PLRG1: variants seen among roughly 807,000 people sequenced by gnomAD.
PLRG1 encodes pleiotropic regulator 1 (PRL1 homolog, Arabidopsis).
PLRG1 carries 28 observed loss-of-function variants against 74.9 expected under a neutral mutation model. That is an observed-to-expected ratio of 0.37 (90% CI 0.28 to 0.51). PLRG1 has a LOEUF of 0.51. Ranked by LOEUF, PLRG1 falls within the 20% of genes least tolerant of loss-of-function variation. The probability of loss-of-function intolerance (pLI) is 0.91; values close to 1 mark genes in which losing one functional copy is unlikely to be tolerated. For synonymous variants in PLRG1, 197 were observed against 212.4 expected (o/e 0.93, Z 0.63); for missense variants, 445 against 631.9 (o/e 0.70, Z 3.17).
chr4:154,544,796 C>T (rs907199321), intron 6 of PLRG1, among the ~76,000 whole-genome samples: 1 of 152,186 alleles, frequency 6.6e-6, no homozygotes, highest in Non-Finnish European at 1.5e-5. Flanking sequence ...AGCTGTTTGA[C>T]ATTAGGTAAC....
intron 1 of PLRG1, 91 bp from the exon 2 acceptor site, chr4:154,549,026 A>C (rs758350931): frequency 2.8e-5 from 22 of 781,382 alleles, no homozygotes; most frequent in Non-Finnish European, 4.6e-5. Flanking sequence ...ACGTGTTTAA[A>C]TATGTAAAAA....
Position 154,542,213 on chromosome 4 carries a change from T to C in PLRG1, c.661A>G (p.Thr221Ala). The C allele has an allele frequency of 1.9e-6, 3 of 1,607,898 alleles. No homozygotes were observed. Among genetic ancestry groups the C allele is most frequent in the Non-Finnish European group, 1.7e-6 (2 of 1,174,392 alleles). The change falls in exon 8 of 15, where the codon ACT (threonine) becomes GCT (alanine). Residue 221 changes from threonine to alanine, a missense_variant. Physicochemically the swap from Thr to Ala is moderately conservative, Grantham distance 58. This residue lies in a region of PLRG1 where 221 missense variants were observed against 377.7 expected (regional missense o/e 0.59). Transcript: ENST00000499023. ...AVEPGNQWFVTGSADRTIKIW... is the reference protein window; with the variant it reads ...AVEPGNQWFVAGSADRTIKIW... Reference sequence around the variant, plus strand: ...TTTATAGTTCTGTCAGCAGATCCAGTAACAAACCACTGATTTCCAGGTTCC... The same window carrying C: ...TTTATAGTTCTGTCAGCAGATCCAGCAACAAACCACTGATTTCCAGGTTCC...
At chr4:154,541,069 C>T (rs1422958084) in intron 8 of PLRG1, 135 bp from the exon 9 acceptor site, 2 of 556,296 alleles carry the variant, frequency 3.6e-6, no homozygotes, top group Non-Finnish European at 5.8e-6. Context: ...AAAAATTTTG[C>T]AAAATGACTC....
chr4:154,546,950 T>G, intron 4 of PLRG1, 61 bp downstream of exon 4: 2 of 1,193,076 alleles, frequency 1.7e-6, no homozygotes, highest in Non-Finnish European at 2.5e-6. Flanking sequence ...CATTATTGGC[T>G]CGTTAGTGAA....
intron 11 of PLRG1, 108 bp downstream of exon 11, chr4:154,539,843 C>T: frequency 5.6e-6 from 4 of 720,574 alleles, no homozygotes; most frequent in Non-Finnish European, 7.5e-6. Context: ...CACAGAAACA[C>T]TGTAAACACA....
intron 10 of PLRG1, 104 bp from the exon 11 acceptor site, chr4:154,540,157 C>A: frequency 2.9e-6 from 2 of 683,058 alleles, no homozygotes; most frequent in South Asian, 1.7e-5. Context: ...ATAACTAGTG[C>A]CTGAATATAA....
intron 1 of PLRG1, chr4:154,549,837 A>G (rs1426273712): frequency 2.2e-6 from 1 of 452,262 alleles, no homozygotes; most frequent in African/African-American, 2.0e-5. Flanking sequence ...GGACAAGACC[A>G]GCTAACAGCG....
intron 12 of PLRG1, 92 bp downstream of exon 12, chr4:154,539,013 G>A: frequency 2.6e-6 from 2 of 771,260 alleles, no homozygotes; most frequent in South Asian, 3.0e-5. Flanking sequence ...GCAGCTAAAT[G>A]ACTGCCAAAA....
intron 4 of PLRG1, chr4:154,546,649 C>G (rs1016898979): frequency 3.2e-6 from 1 of 313,964 alleles, no homozygotes; most frequent in African/African-American, 2.2e-5. Flanking sequence ...ATCTGTGGAC[C>G]AATGCCTTAA....
Position 154,550,294 on chromosome 4 carries a change from C to G in PLRG1, c.9+6G>C, listed in dbSNP as rs552720906. 8.1e-6 allele frequency: 13 copies of G among 1,613,618 alleles called. No individual in the cohort carries two copies. The South Asian group carries it at 1.3e-4, about 16-fold the overall frequency. ...ACGACTCTTGAGAGCCCCAGTGTCACTTTACCTCGACCATGATGCTACCGT... is the reference window on the plus strand; with the variant it reads ...ACGACTCTTGAGAGCCCCAGTGTCAGTTTACCTCGACCATGATGCTACCGT... On this transcript the variant is annotated splice_donor_region_variant and intron_variant, in intron 1 of 14. Transcript: ENST00000499023.
Position 154,536,759 on chromosome 4 carries a change from G to A in PLRG1, c.1486-15C>T. On this transcript the variant is annotated splice_polypyrimidine_tract_variant and intron_variant, in intron 14 of 14. Transcript: ENST00000499023. ...GTTTCTTCTGTCTAAAAATAGAAAA[G>A]TGAGTTAAAATAAAGTATTATTAGT... The A allele has an allele frequency of 7.1e-7, 1 of 1,409,794 alleles. No individual in the cohort carries two copies. Among genetic ancestry groups the A allele is most frequent in the Non-Finnish European group, 9.8e-7 (1 of 1,023,184 alleles). The allele number at this position is 1,409,794 out of a possible 1,614,324, so 87.3% of individuals were successfully genotyped here. A position where few individuals can be genotyped will look rare whatever the true frequency, so the allele number is the denominator to read the frequency against.
In PLRG1 at chr4:154,536,663, G is replaced by T; in HGVS notation, c.*22C>A. On this transcript the variant is annotated 3_prime_UTR_variant, in exon 15 of 15. Coordinates refer to ENST00000499023, the MANE Select transcript of PLRG1 (RefSeq NM_002669.4). Reference sequence around the variant, plus strand: ...TTTTAATTAAAAAGAAAAAAAAAGAGAGAGAAAAAATTCCACATTCATTAA... The same window carrying T: ...TTTTAATTAAAAAGAAAAAAAAAGATAGAGAAAAAATTCCACATTCATTAA... 7.9e-7 allele frequency: 1 copy of T among 1,271,792 alleles called. No individual in the cohort carries two copies. The highest frequency in any genetic ancestry group is 1.3e-5 in the South Asian group (1 of 76,306). 78.8% of individuals were successfully genotyped at this position (1,271,792 alleles called of 1,614,324 possible).
At chr4:154,544,024 G>A (rs1729603316) in intron 7 of PLRG1, 1 of 164,088 alleles carries the variant, frequency 6.1e-6, no homozygotes, top group African/African-American at 2.4e-5. Context: ...TGTATGTGCT[G>A]CTGAAGTTAG....
At chr4:154,538,907 G>A (rs895887126) in intron 12 of PLRG1, 198 bp downstream of exon 12, 1 of 503,796 alleles carries the variant, frequency 2.0e-6, no homozygotes. Flanking sequence ...TCAAGTAGAA[G>A]GCTTTCCTCA....
At chr4:154,539,021 A>G in intron 12 of PLRG1, 84 bp downstream of exon 12, 1 of 816,166 alleles carries the variant, frequency 1.2e-6, no homozygotes, top group Non-Finnish European at 2.1e-6. Flanking sequence ...ATGACTGCCA[A>G]AAGCAGTGCT....
At chr4:154,547,876 A>G in intron 2 of PLRG1, 23 bp from the exon 3 acceptor site, 1 of 1,564,040 alleles carries the variant, frequency 6.4e-7, no homozygotes. Flanking sequence ...TATAAACATA[A>G]GAACGTATCC....
At chr4:154,539,327 T>G in intron 11 of PLRG1, 114 bp from the exon 12 acceptor site, 1 of 666,502 alleles carries the variant, frequency 1.5e-6, no homozygotes, top group South Asian at 2.0e-5. Flanking sequence ...GAAAGTCATA[T>G]CACACGCAAA....
In PLRG1 at chr4:154,537,981, G is replaced by T; in HGVS notation, c.1279C>A (p.Leu427Ile). The T allele has an allele frequency of 6.7e-7, 1 of 1,493,544 alleles. No individual in the cohort carries two copies. Among genetic ancestry groups the T allele is most frequent in the Non-Finnish European group, 9.0e-7 (1 of 1,104,996 alleles). 92.5% of individuals were successfully genotyped at this position (1,493,544 alleles called of 1,614,324 possible). ...NTLTVNSDGV[L>I]VSGADNGTMH... is the part of the protein sequence containing the mutation. ...AATCTTATTTTACCTCCAGATACAA[G>T]CACTCCATCAGAATTTACCGTCAAT... The change falls in exon 13 of 15, where the codon CTT becomes ATT. Residue 427 changes from leucine to isoleucine, a missense_variant. By Grantham distance (5) the Leu-to-Ile change is conservative (BLOSUM62 2). This residue lies in a region of PLRG1 where 221 missense variants were observed against 377.7 expected (regional missense o/e 0.59). Transcript: ENST00000499023.
intron 10 of PLRG1, chr4:154,540,373 T>C: frequency 3.4e-6 from 2 of 587,082 alleles, no homozygotes; most frequent in Non-Finnish European, 6.0e-6. Context: ...GAATATCACA[T>C]TTCAGGGGCA....
Sources: gnomAD v4.1 joint callset for allele counts (sites outside exome capture counted in the v4.1 genomes callset) on GRCh38, gnomAD v4.1.1 for gene constraint, gnomAD v4.1.1 regional missense constraint, MANE v1.5 for transcripts, NCBI Gene and HGNC (gene_info 2026-07-23, HGNC 2026-07-21) for gene names.